Variants in WWOX observed in about 807,000 individuals in gnomAD.
The protein encoded by WWOX is WW domain containing oxidoreductase, also known as WW domain-containing oxidoreductase.
WWOX carries 69 observed loss-of-function variants against 46.2 expected under a neutral mutation model. That is an observed-to-expected ratio of 1.49 (90% CI 1.23 to 1.82). WWOX has a LOEUF of 1.82. Among genes scored for constraint, WWOX ranks in the 40% most tolerant of loss-of-function variants. The pLI is 0.00. For missense variants in WWOX, 919 were observed against 542.6 expected (o/e 1.69, Z -6.89); for synonymous variants, 359 against 202.6 (o/e 1.77, Z -6.56).
chr16:78,870,567 C>T lies in WWOX; in HGVS notation c.1057-341041C>T, dbSNP rs554382180. ...ATGTAATTCTTCCTCCTCTTCTCCC[C>T]TTGTCTCTCTTCTCACCCCTACCAA... is the stretch of plus-strand genomic sequence containing the variant. On this transcript the variant is annotated intron_variant, in intron 8 of 8. Coordinates refer to ENST00000566780, the MANE Select transcript of WWOX (RefSeq NM_016373.4). Among the ~76,000 whole-genome samples, 156 of 152,020 alleles carry T rather than the reference C, an allele frequency of 1.0e-3. 2 individuals are homozygous for T. The East Asian group carries it at 0.01, about 10-fold the overall frequency.
intron 8 of WWOX, among the ~76,000 whole-genome samples, chr16:78,446,230 G>A (rs930296068): frequency 2.6e-5 from 4 of 152,202 alleles, no homozygotes; most frequent in African/African-American, 7.2e-5. Context: ...GTTCCAGAGA[G>A]TATTTTGTAA....
chr16:79,000,113 C>G lies in WWOX; in HGVS notation c.1057-211495C>G, dbSNP rs891685585. ...TTCATGTGTCTGAGCAGGCTTCCCA[C>G]CATTTGACTGCTGCTCCTTTGTCCA... On this transcript the variant is annotated intron_variant, in intron 8 of 8. Transcript: ENST00000566780. Among the ~76,000 whole-genome samples, 4 of 152,198 alleles carry G rather than the reference C, an allele frequency of 2.6e-5. No individual in the cohort carries two copies. In the East Asian group the frequency reaches 5.8e-4, roughly 22 times the overall value.
intron 5 of WWOX, among the ~76,000 whole-genome samples, chr16:78,189,245 T>G (rs1004173676): frequency 1.3e-5 from 2 of 152,110 alleles, no homozygotes; most frequent in Non-Finnish European, 2.9e-5. Flanking sequence ...AACAGCAAGA[T>G]CTTCAGAGCT....
At chr16:78,983,004 G>A (rs1465877910) in intron 8 of WWOX, among the ~76,000 whole-genome samples, 1 of 152,160 alleles carries the variant, frequency 6.6e-6, no homozygotes, top group East Asian at 1.9e-4. Flanking sequence ...TTTGGCTGCA[G>A]TGTAATATAT....
intron 8 of WWOX, among the ~76,000 whole-genome samples, chr16:78,703,751 T>A (rs930079458): frequency 1.3e-5 from 2 of 151,996 alleles, no homozygotes; most frequent in Non-Finnish European, 2.9e-5. Flanking sequence ...AAAATGTGTT[T>A]CCAACTACCT....
chr16:79,039,491 G>T (rs140220190), intron 8 of WWOX, among the ~76,000 whole-genome samples: 2 of 152,154 alleles, frequency 1.3e-5, no homozygotes, highest in East Asian at 1.9e-4. Flanking sequence ...TTTGCCCATC[G>T]TAAAGGCTGA....
chr16:78,223,615 C>T (rs766382246), intron 5 of WWOX, among the ~76,000 whole-genome samples: 17 of 152,126 alleles, frequency 1.1e-4, no homozygotes, highest in South Asian at 4.2e-4. Flanking sequence ...CGTCCCTGGG[C>T]GGTGCAGAGT....
At chr16:78,190,466 C>T (rs569775106) in intron 5 of WWOX, among the ~76,000 whole-genome samples, 1 of 152,170 alleles carries the variant, frequency 6.6e-6, no homozygotes, top group African/African-American at 2.4e-5. Context: ...TCCAGTATAC[C>T]TAGTGACTCT....
At chr16:78,748,480 G>A (rs939411965) in intron 8 of WWOX, among the ~76,000 whole-genome samples, 1 of 152,186 alleles carries the variant, frequency 6.6e-6, no homozygotes, top group Non-Finnish European at 1.5e-5. Context: ...TGGCTGTAAA[G>A]TTCACCTTTC....
At chr16:78,830,924 A>G (rs914090978) in intron 8 of WWOX, among the ~76,000 whole-genome samples, 7 of 152,100 alleles carry the variant, frequency 4.6e-5, no homozygotes, top group Non-Finnish European at 8.8e-5. Flanking sequence ...TTTATTTATC[A>G]AAAGGGCCAT....
At chr16:78,210,613 C>G (rs1025870491) in intron 5 of WWOX, among the ~76,000 whole-genome samples, 1 of 152,176 alleles carries the variant, frequency 6.6e-6, no homozygotes, top group African/African-American at 2.4e-5. Context: ...CTTAGTCACC[C>G]AAAACCTGTT....
intron 8 of WWOX, among the ~76,000 whole-genome samples, chr16:78,657,924 C>T (rs998759812): frequency 2.0e-5 from 3 of 152,078 alleles, no homozygotes; most frequent in African/African-American, 7.2e-5. Flanking sequence ...GTGTAATACT[C>T]AATAAATTAC....
intron 8 of WWOX, among the ~76,000 whole-genome samples, chr16:78,601,347 G>C (rs532195699): frequency 1.3e-5 from 2 of 152,012 alleles, no homozygotes; most frequent in Non-Finnish European, 2.9e-5. Flanking sequence ...GAGACACTCA[G>C]GCTTAGCTCT....
intron 8 of WWOX, among the ~76,000 whole-genome samples, chr16:78,755,751 C>T (rs1298480482): frequency 6.6e-6 from 1 of 152,076 alleles, no homozygotes; most frequent in Non-Finnish European, 1.5e-5. Context: ...GAATATTATT[C>T]CTGAAAAGGG....
At chr16:78,587,571 A>G (rs1274934314) in intron 8 of WWOX, among the ~76,000 whole-genome samples, 2 of 152,086 alleles carry the variant, frequency 1.3e-5, no homozygotes, top group African/African-American at 4.8e-5. Flanking sequence ...CCCTCCCCTG[A>G]TTACCGTAAA....
intron 5 of WWOX, among the ~76,000 whole-genome samples, chr16:78,321,270 T>C (rs1467890661): frequency 1.7e-5 from 2 of 119,320 alleles, no homozygotes; most frequent in Non-Finnish European, 3.4e-5. Context: ...AGGTTCTTAG[T>C]TTTTTAAATA....
chr16:78,753,897 TGAA>T lies in WWOX; in HGVS notation c.1056+321148_1056+321150del, dbSNP rs1475547534. ...ATATAAATTTAAGGAAGCATAGAAT[TGAA>T]GAGGCTATTCCAAGGTCACATGACT... On this transcript the variant is annotated intron_variant, in intron 8 of 8. Transcript: ENST00000566780. 8.0e-5 allele frequency among the ~76,000 whole-genome samples: 11 copies of T among 138,114 alleles called. No individual in the cohort carries two copies. In the South Asian group the frequency reaches 9.6e-4, roughly 12 times the overall value. The allele number at this position is 138,114 out of a possible 152,430, so 90.6% of individuals were successfully genotyped here. A position where few individuals can be genotyped will look rare whatever the true frequency, so the allele number is the denominator to read the frequency against.
intron 8 of WWOX, among the ~76,000 whole-genome samples, chr16:78,827,396 AGCTGGAGTCTCTGTGG>A (rs1215935688): frequency 1.3e-5 from 2 of 152,052 alleles, no homozygotes; most frequent in African/African-American, 4.8e-5. Flanking sequence ...GAGGAAGTGG[AGCTGGAGTCTCTGTGG>A]CTCCAGGGTC....
chr16:78,867,203 C>G (rs1033195609), intron 8 of WWOX, among the ~76,000 whole-genome samples: 1 of 152,110 alleles, frequency 6.6e-6, no homozygotes, highest in Non-Finnish European at 1.5e-5. Flanking sequence ...TCATGGCACA[C>G]TGGTGAGTGG....
Sources: gnomAD v4.1 joint callset for allele counts (sites outside exome capture counted in the v4.1 genomes callset) on GRCh38, gnomAD v4.1.1 for gene constraint, MANE v1.5 for transcripts, NCBI Gene and HGNC (gene_info 2026-07-23, HGNC 2026-07-21) for gene names.